FOXP2: variants seen among roughly 807,000 people sequenced by gnomAD.
FOXP2 encodes the protein forkhead box P2.
In FOXP2, 12 loss-of-function variants were observed where a neutral mutation model predicts 115.8. The observed-to-expected ratio is 0.10, with a 90% CI of 0.07 to 0.17. The LOEUF is 0.17. Ranked by LOEUF, FOXP2 falls within the 10% of genes least tolerant of loss-of-function variation. The pLI is 1.00. For synonymous variants in FOXP2, 328 were observed against 297.7 expected, an observed-to-expected ratio of 1.10 and a Z score of -1.05; for missense variants, 629 against 843.5, an observed-to-expected ratio of 0.75 and a Z score of 3.15.
chr7:114,193,457 A>G (rs1562999769), intron 1 of FOXP2, among the ~76,000 whole-genome samples: 2 of 151,750 alleles, frequency 1.3e-5, no homozygotes, highest in Non-Finnish European at 2.9e-5. Context: ...ATATATAATT[A>G]TACATGTTAT....
intron 2 of FOXP2, among the ~76,000 whole-genome samples, chr7:114,391,989 A>G (rs1053368133): frequency 3.3e-5 from 5 of 152,170 alleles, no homozygotes; most frequent in Non-Finnish European, 7.3e-5. Context: ...TATATTATTT[A>G]TATCTTATTT....
intron 1 of FOXP2, 149 bp from the exon 2 acceptor site, chr7:114,426,353 A>ATTGCTTTCC: frequency 1.4e-6 from 1 of 708,340 alleles, no homozygotes; most frequent in Non-Finnish European, 2.4e-6. Flanking sequence ...CTGAATTTGT[A>ATTGCTTTCC]TTGCTTTCCT....
intron 2 of FOXP2, among the ~76,000 whole-genome samples, chr7:114,328,212 C>G (rs1797606936): frequency 6.7e-6 from 1 of 150,284 alleles, no homozygotes; most frequent in African/African-American, 2.4e-5. Context: ...AGCCAGTGCT[C>G]TCAGCCCTTT....
chr7:114,294,374 C>T (rs898494971), intron 2 of FOXP2, among the ~76,000 whole-genome samples: 26 of 152,022 alleles, frequency 1.7e-4, no homozygotes, highest in African/African-American at 5.3e-4. Flanking sequence ...TCTTTTAATG[C>T]CCTTTATGGA....
chr7:114,144,230 C>A (rs1170716030), intron 1 of FOXP2, among the ~76,000 whole-genome samples: 1 of 152,084 alleles, frequency 6.6e-6, no homozygotes, highest in Non-Finnish European at 1.5e-5. Flanking sequence ...CATTGTAGGT[C>A]AAGGAGTATC....
chr7:114,309,336 C>G (rs116598603), intron 2 of FOXP2, among the ~76,000 whole-genome samples: 6 of 152,162 alleles, frequency 3.9e-5, no homozygotes, highest in Admixed American at 1.3e-4. Context: ...TTGACAATCA[C>G]CGTACGAAGT....
intron 3 of FOXP2, among the ~76,000 whole-genome samples, chr7:114,590,868 T>G (rs1024374279): frequency 3.3e-5 from 5 of 151,992 alleles, no homozygotes; most frequent in Admixed American, 1.3e-4. Context: ...TCAGGTACAA[T>G]TAATTTGTTT....
At chr7:114,420,130 T>C (rs1793551752) in intron 1 of FOXP2, among the ~76,000 whole-genome samples, 1 of 151,816 alleles carries the variant, frequency 6.6e-6, no homozygotes, top group Admixed American at 6.6e-5. Context: ...TGAAGTAAAG[T>C]AAGCCTGAGG....
chr7:114,317,735 A>G (rs1003031348), intron 2 of FOXP2, among the ~76,000 whole-genome samples: 6 of 152,146 alleles, frequency 3.9e-5, no homozygotes, highest in African/African-American at 1.2e-4. Context: ...ATCTACTGCC[A>G]TTTCCTAAAA....
At chr7:114,249,873 T>G (rs1186028081) in intron 1 of FOXP2, among the ~76,000 whole-genome samples, 1 of 152,110 alleles carries the variant, frequency 6.6e-6, no homozygotes, top group African/African-American at 2.4e-5. Flanking sequence ...TATGTTTACA[T>G]GTGCCATGTT....
At chr7:114,546,868 C>G (rs1051257197) in intron 3 of FOXP2, among the ~76,000 whole-genome samples, 1 of 152,182 alleles carries the variant, frequency 6.6e-6, no homozygotes, top group Non-Finnish European at 1.5e-5. Context: ...TATAACTTCA[C>G]TTCTTACCAC....
chr7:114,216,969 A>G (rs955082113), intron 1 of FOXP2, among the ~76,000 whole-genome samples: 6 of 152,206 alleles, frequency 3.9e-5, no homozygotes, highest in Admixed American at 3.9e-4. Context: ...TAATCCCCTT[A>G]TTGACATTAA....
chr7:114,110,287 G>A (rs995289555), intron 1 of FOXP2, among the ~76,000 whole-genome samples: 51 of 152,034 alleles, frequency 3.4e-4, no homozygotes, highest in African/African-American at 1.2e-3. Context: ...GAGAAACTTA[G>A]GATCTTGAAT....
chr7:114,203,939 T>G (rs972679554), intron 1 of FOXP2, among the ~76,000 whole-genome samples: 1 of 152,230 alleles, frequency 6.6e-6, no homozygotes, highest in African/African-American at 2.4e-5. Context: ...TACTTCTTAC[T>G]GAGTCTATGT....
intron 2 of FOXP2, among the ~76,000 whole-genome samples, chr7:114,364,566 T>G (rs117393550): frequency 0.014 from 2,197 of 152,326 alleles, 28 homozygotes; most frequent in Non-Finnish European, 0.025. Context: ...AAAATCCCAC[T>G]TTTATTTAAT....
intron 3 of FOXP2, among the ~76,000 whole-genome samples, chr7:114,615,129 A>G (rs10260142): frequency 0.14 from 21,284 of 151,942 alleles, 1,869 homozygotes; most frequent in African/African-American, 0.25. Flanking sequence ...TGAGTCAGGA[A>G]AATCATTTCA....
chr7:114,662,133 A>G lies in FOXP2; in HGVS notation c.1716A>G (p.Val572=), dbSNP rs1300692811. Residue 572 remains valine (V), a synonymous_variant, in exon 14 of 17, where the codon GTA becomes GTG. Coordinates refer to ENST00000350908, the MANE Select transcript of FOXP2 (RefSeq NM_014491.4). The stretch of plus-strand genomic sequence containing the variant: ...GAGTAGAAAATGTTAAAGGAGCAGT[A>G]TGGACTGTGGATGAAGTAGAATACC... ...FVRVENVKGA[V]WTVDEVEYQK... is the part of the protein sequence containing the mutation. The G allele has an allele frequency of 6.2e-7, 1 of 1,612,976 alleles. No individual in the cohort carries two copies. The highest frequency in any genetic ancestry group is 8.5e-7 in the Non-Finnish European group (1 of 1,179,222).
chr7:114,110,543 T>C (rs117755826), intron 1 of FOXP2, among the ~76,000 whole-genome samples: 4,709 of 152,282 alleles, frequency 0.031, 111 homozygotes, highest in Non-Finnish European at 0.044. Flanking sequence ...TTTTTCAGAT[T>C]GTTAATGTTT....
rs1413172113 is a variant in FOXP2, at chr7:114,691,757, ATGTGATGG to A, written c.*1832_*1839del. 2.2e-6 allele frequency: 1 copy of A among 453,804 alleles called. No individual in the cohort carries two copies. Among genetic ancestry groups the A allele is most frequent in the Non-Finnish European group, 4.4e-6 (1 of 226,494 alleles). 28.1% of individuals were successfully genotyped at this position (453,804 alleles called of 1,614,324 possible). ...AGAGCTTAACATACGTTCCCGTTCCATGTGATGGAACCGGTTCTTGCAAACTAAGCTCA... is the reference window on the plus strand; with the variant it reads ...AGAGCTTAACATACGTTCCCGTTCCAAACCGGTTCTTGCAAACTAAGCTCA... On this transcript the variant is annotated 3_prime_UTR_variant, in exon 17 of 17. Coordinates refer to ENST00000350908, the MANE Select transcript of FOXP2 (RefSeq NM_014491.4).
Sources: gnomAD v4.1 joint callset for allele counts (sites outside exome capture counted in the v4.1 genomes callset) on GRCh38, gnomAD v4.1.1 for gene constraint, MANE v1.5 for transcripts, NCBI Gene and HGNC (gene_info 2026-07-23, HGNC 2026-07-21) for gene names.